The following SLC1A3 variants were observed in gnomAD, a reference collection of about 807,000 sequenced individuals.
SLC1A3 encodes the protein excitatory amino acid transporter 1.
SLC1A3 carries 21 observed loss-of-function variants against 48.1 expected under a neutral mutation model. The observed-to-expected ratio is 0.44, with a 90% CI of 0.31 to 0.63. The LOEUF (loss-of-function observed/expected upper bound fraction) is 0.63. Ranked by LOEUF, SLC1A3 falls within the 20% of genes least tolerant of loss-of-function variation. The pLI is 0.08. For missense variants in SLC1A3, 546 were observed against 689.0 expected, an observed-to-expected ratio of 0.79 and a Z score of 2.32; for synonymous variants, 239 against 251.4, an observed-to-expected ratio of 0.95 and a Z score of 0.47.
At chr5:36,676,263 A>G (rs1742201099) in intron 5 of SLC1A3, among the ~76,000 whole-genome samples, 1 of 152,222 alleles carries the variant, frequency 6.6e-6, no homozygotes, top group Non-Finnish European at 1.5e-5. Flanking sequence ...AAACAGGTCT[A>G]ATCCCTGAAG....
upstream of SLC1A3, among the ~76,000 whole-genome samples, chr5:36,604,906 TG>T (rs59950179): frequency 0.26 from 29,213 of 111,492 alleles, 4,564 homozygotes; most frequent in African/African-American, 0.45. Context: ...AAAAAAGCGG[TG>T]GGGGGGGGGG....
intron 3 of SLC1A3, among the ~76,000 whole-genome samples, chr5:36,662,872 A>G (rs1360697229): frequency 6.6e-6 from 1 of 152,182 alleles, no homozygotes. Context: ...AAGCTTGACC[A>G]CTCAGAGGCC....
chr5:36,639,289 T>TA (rs1740518437), intron 3 of SLC1A3, among the ~76,000 whole-genome samples: 1 of 152,214 alleles, frequency 6.6e-6, no homozygotes, highest in Non-Finnish European at 1.5e-5. Context: ...TGCAAGTTAA[T>TA]ACACATTAAA....
At chr5:36,610,881 C>A in intron 2 of SLC1A3, among the ~76,000 whole-genome samples, 1 of 152,122 alleles carries the variant, frequency 6.6e-6, no homozygotes, top group East Asian at 1.9e-4. Context: ...AAGAAGAAGG[C>A]ACTAACAAAG....
intron 5 of SLC1A3, among the ~76,000 whole-genome samples, chr5:36,675,246 T>C (rs1742158388): frequency 8.7e-6 from 1 of 114,874 alleles, no homozygotes; most frequent in South Asian, 2.6e-4. Context: ...AACCAAATTC[T>C]TTCTTTAAAA....
chr5:36,607,609 A>C (rs1261692886), intron 1 of SLC1A3, among the ~76,000 whole-genome samples: 2 of 152,204 alleles, frequency 1.3e-5, no homozygotes, highest in African/African-American at 4.8e-5. Flanking sequence ...AAAGAAAAAC[A>C]CTACTTCATA....
intron 4 of SLC1A3, among the ~76,000 whole-genome samples, chr5:36,673,023 G>T (rs777831536): frequency 1.6e-4 from 24 of 152,194 alleles, no homozygotes; most frequent in Non-Finnish European, 2.1e-4. Flanking sequence ...GCCCTGCCTT[G>T]CTGCAGTGAA....
Position 36,620,348 on chromosome 5 carries a change from C to T in SLC1A3, c.182-9102C>T, listed in dbSNP as rs549769451. Among the ~76,000 whole-genome samples the T allele has an allele frequency of 4.6e-5, 7 of 152,316 alleles. No individual in the cohort carries two copies. The South Asian group carries it at 1.5e-3, about 32-fold the overall frequency. ...TTAGGAGCAAATTCGGGATCCATAG[C>T]TGTCATTCCTCATTTGTGAATTTAG... On this transcript the variant is annotated intron_variant, in intron 2 of 9. Coordinates refer to ENST00000265113, the MANE Select transcript of SLC1A3 (RefSeq NM_004172.5).
intron 3 of SLC1A3, among the ~76,000 whole-genome samples, chr5:36,644,885 G>T (rs764587398): frequency 2.8e-4 from 43 of 152,140 alleles, no homozygotes; most frequent in Admixed American, 2.0e-4. Context: ...TGGTGGTGAG[G>T]GTGGGCCTGG....
At chr5:36,597,233 C>T (rs796895894) in intron 1 of SLC1A3, among the ~76,000 whole-genome samples, 52 of 46,056 alleles carry the variant, frequency 1.1e-3, no homozygotes, top group South Asian at 3.6e-3. Context: ...TTCTTCCTTT[C>T]TTTTTTTTTT....
At chr5:36,635,746 C>A (rs1740316821) in intron 3 of SLC1A3, among the ~76,000 whole-genome samples, 1 of 152,154 alleles carries the variant, frequency 6.6e-6, no homozygotes, top group Admixed American at 6.5e-5. Context: ...ATGTTGTGAG[C>A]GGAGATTTTC....
chr5:36,655,194 A>C (rs1741238818), intron 3 of SLC1A3, among the ~76,000 whole-genome samples: 1 of 152,140 alleles, frequency 6.6e-6, no homozygotes, highest in South Asian at 2.1e-4. Flanking sequence ...CTACACTCTG[A>C]GATTCTGCTT....
At chr5:36,616,998 G>C (rs944417252) in intron 2 of SLC1A3, among the ~76,000 whole-genome samples, 14 of 152,206 alleles carry the variant, frequency 9.2e-5, no homozygotes, top group African/African-American at 3.1e-4. Flanking sequence ...GGCCTTGTAA[G>C]TTCTGACTTT....
upstream of SLC1A3, among the ~76,000 whole-genome samples, chr5:36,601,462 G>C (rs538998366): frequency 6.6e-6 from 1 of 152,182 alleles, no homozygotes; most frequent in Non-Finnish European, 1.5e-5. Flanking sequence ...CTAGTTTTAC[G>C]GATGACATTC....
At chr5:36,604,903 CGGT>C (rs200047488), upstream of SLC1A3, among the ~76,000 whole-genome samples, 9 of 27,310 alleles carry the variant, frequency 3.3e-4, no homozygotes, top group African/African-American at 7.9e-4. Context: ...AAAAAAAAAG[CGGT>C]GGGGGGGGGG....
intron 6 of SLC1A3, 115 bp downstream of exon 6, chr5:36,677,299 T>A: frequency 1.2e-6 from 1 of 847,480 alleles, no homozygotes. Context: ...GTTATCTCAC[T>A]CTGGTAAGCC....
intron 3 of SLC1A3, among the ~76,000 whole-genome samples, chr5:36,649,795 G>A (rs940982945): frequency 1.3e-5 from 2 of 152,204 alleles, no homozygotes; most frequent in African/African-American, 4.8e-5. Flanking sequence ...TATTGTTGGT[G>A]TAGAGAGAGC....
chr5:36,620,863 G>A (rs1739635134), intron 2 of SLC1A3, among the ~76,000 whole-genome samples: 1 of 150,880 alleles, frequency 6.6e-6, no homozygotes, highest in African/African-American at 2.4e-5. Context: ...CTAAGGGATA[G>A]GAAAGTTCAA....
chr5:36,645,261 GA>G (rs1197869789), intron 3 of SLC1A3, among the ~76,000 whole-genome samples: 1 of 140,520 alleles, frequency 7.1e-6, no homozygotes, highest in Admixed American at 7.2e-5. Flanking sequence ...CTCCCCTTTT[GA>G]AAACACTAAT....
Sources: allele counts gnomAD v4.1 joint callset (sites outside exome capture counted in the v4.1 genomes callset), GRCh38; gene constraint gnomAD v4.1.1; transcripts MANE v1.5; gene names NCBI Gene and HGNC (gene_info 2026-07-23, HGNC 2026-07-21).